Variants in CD226 observed in about 807,000 individuals in gnomAD.
The protein encoded by CD226 is CD226 antigen.
In CD226, 24 loss-of-function variants were observed where a neutral mutation model predicts 34.9. The ratio of observed to expected loss-of-function variants is 0.69; its 90% CI spans 0.50 to 0.97. The LOEUF (loss-of-function observed/expected upper bound fraction) is 0.97, where lower values mean the gene tolerates loss of function less well. CD226 is among the 50% of genes least tolerant of loss of function. The probability of loss-of-function intolerance (pLI) is 0.00; values close to 1 mark genes in which losing one functional copy is unlikely to be tolerated. For missense variants in CD226, 397 were observed against 412.7 expected (o/e 0.96, Z 0.33); for synonymous variants, 148 against 147.4 (o/e 1.00, Z -0.03).
At chr18:69,931,247 G>C (rs951941324) in intron 2 of CD226, among the ~76,000 whole-genome samples, 2 of 152,056 alleles carry the variant, frequency 1.3e-5, no homozygotes, top group South Asian at 2.1e-4. Context: ...TGGGGAGAGG[G>C]GGGAGGGATA....
intron 2 of CD226, among the ~76,000 whole-genome samples, chr18:69,922,225 C>A (rs546489703): frequency 6.6e-6 from 1 of 152,252 alleles, no homozygotes; most frequent in Non-Finnish European, 1.5e-5. Context: ...CAAGGAATGG[C>A]AAATGATTTC....
At chr18:69,869,978 A>C (rs1268605366) in intron 4 of CD226, among the ~76,000 whole-genome samples, 1 of 148,336 alleles carries the variant, frequency 6.7e-6, no homozygotes, top group Non-Finnish European at 1.5e-5. Flanking sequence ...TTTTTTTTTT[A>C]TTTTTAGTAG....
At chr18:69,919,433 A>G (rs1449186464) in intron 2 of CD226, among the ~76,000 whole-genome samples, 5 of 152,362 alleles carry the variant, frequency 3.3e-5, no homozygotes, top group East Asian at 1.9e-4. Flanking sequence ...AATTTATCAC[A>G]TAAGACAAAC....
intron 2 of CD226, among the ~76,000 whole-genome samples, chr18:69,934,293 C>T (rs1350944265): frequency 2.6e-5 from 4 of 151,810 alleles, no homozygotes; most frequent in Non-Finnish European, 4.4e-5. Flanking sequence ...CACACACACA[C>T]ACACACACAC....
chr18:69,904,619 A>AT (rs2055229164), intron 2 of CD226, among the ~76,000 whole-genome samples: 1 of 152,258 alleles, frequency 6.6e-6, no homozygotes, highest in African/African-American at 2.4e-5. Flanking sequence ...AGTCAGTATC[A>AT]TAAGATTTGC....
At chr18:69,953,569 G>A (rs1484603830) in intron 1 of CD226, among the ~76,000 whole-genome samples, 1 of 152,166 alleles carries the variant, frequency 6.6e-6, no homozygotes, top group Non-Finnish European at 1.5e-5. Context: ...ATTGACTGTT[G>A]GAAGGAGGGA....
chr18:69,927,779 A>T (rs2145325090), intron 2 of CD226, among the ~76,000 whole-genome samples: 1 of 152,344 alleles, frequency 6.6e-6, no homozygotes, highest in Admixed American at 6.5e-5. Context: ...TTTTATATAC[A>T]TATACGCATA....
chr18:69,956,623 T>A (rs1217163090), intron 1 of CD226: 3 of 152,290 alleles, frequency 2.0e-5, no homozygotes, highest in Non-Finnish European at 4.4e-5. Flanking sequence ...CTCCAGCTTT[T>A]TCCGGCAACT....
chr18:69,873,039 C>T, intron 4 of CD226, 105 bp downstream of exon 4: 1 of 745,870 alleles, frequency 1.3e-6, no homozygotes, highest in South Asian at 1.4e-5. Flanking sequence ...ACAGTACTCA[C>T]AAAAATATAT....
At chr18:69,960,112 C>T (rs1320762530), upstream of CD226, among the ~76,000 whole-genome samples, 2 of 151,848 alleles carry the variant, frequency 1.3e-5, no homozygotes, top group African/African-American at 2.4e-5. Context: ...TGGTGGTGCA[C>T]GTCTGTAATC....
At chr18:69,889,218 A>T (rs1266391525) in intron 3 of CD226, among the ~76,000 whole-genome samples, 1 of 151,534 alleles carries the variant, frequency 6.6e-6, no homozygotes, top group Non-Finnish European at 1.5e-5. Flanking sequence ...GATCTGTTTG[A>T]GTAGAGGTTA....
At position 69,859,294 on chromosome 18, in the gene CD226, G is replaced by A. The variant is rs1982707391; in HGVS notation, c.*5020C>T. On this transcript the variant is annotated 3_prime_UTR_variant, in exon 6 of 6. Coordinates refer to ENST00000582621, the MANE Select transcript of CD226 (RefSeq NM_001303618.2). ...GTAGAATTCCTGCTGCATCACAGGG[G>A]AGTTTCAGGTCAATTTATGGTAAAT... 6.6e-6 allele frequency: 1 copy of A among 152,048 alleles called. No individual in the cohort carries two copies. Among genetic ancestry groups the A allele is most frequent in the South Asian group, 2.1e-4 (1 of 4,820 alleles). 9.4% of individuals were successfully genotyped at this position (152,048 alleles called of 1,614,324 possible).
intron 2 of CD226, among the ~76,000 whole-genome samples, chr18:69,923,295 C>G (rs1396037329): frequency 2.6e-5 from 4 of 152,068 alleles, no homozygotes; most frequent in Non-Finnish European, 5.9e-5. Flanking sequence ...AACATGGCAT[C>G]ATAATGTTGG....
chr18:69,959,979 G>T (rs575904941), upstream of CD226, among the ~76,000 whole-genome samples: 8 of 152,278 alleles, frequency 5.3e-5, no homozygotes, highest in East Asian at 1.4e-3. Context: ...GGGCACGGTG[G>T]TTCACACCTG....
At chr18:69,906,576 CT>C (rs1568185078) in intron 2 of CD226, among the ~76,000 whole-genome samples, 2 of 152,216 alleles carry the variant, frequency 1.3e-5, no homozygotes, top group Non-Finnish European at 2.9e-5. Context: ...ACCCTTATGG[CT>C]CTCTCCTGAA....
chr18:69,907,246 C>A (rs1237323659), intron 2 of CD226, among the ~76,000 whole-genome samples: 1 of 152,184 alleles, frequency 6.6e-6, no homozygotes, highest in Non-Finnish European at 1.5e-5. Context: ...AATTGTAGAA[C>A]TTTACTAAAT....
intron 2 of CD226, among the ~76,000 whole-genome samples, chr18:69,932,559 C>G (rs558685926): frequency 6.6e-6 from 1 of 152,294 alleles, no homozygotes; most frequent in Non-Finnish European, 1.5e-5. Context: ...CTTAAATTAG[C>G]TTTTACTCAG....
intron 3 of CD226, among the ~76,000 whole-genome samples, chr18:69,880,275 G>A (rs1984142716): frequency 2.3e-5 from 3 of 132,736 alleles, no homozygotes; most frequent in Admixed American, 2.2e-4. Context: ...GGAAGGGGAG[G>A]GAAGGGAAGG....
At chr18:69,900,514 C>T (rs1320623022) in intron 2 of CD226, among the ~76,000 whole-genome samples, 10 of 151,746 alleles carry the variant, frequency 6.6e-5, no homozygotes, top group Admixed American at 2.6e-4. Flanking sequence ...GGGCGGATCA[C>T]GAGGTCAGGA....
Sources: gnomAD v4.1 joint callset for allele counts (sites outside exome capture counted in the v4.1 genomes callset) on GRCh38, gnomAD v4.1.1 for gene constraint, MANE v1.5 for transcripts, NCBI Gene and HGNC (gene_info 2026-07-23, HGNC 2026-07-21) for gene names.